Variants in FAT3 observed in about 807,000 individuals in gnomAD.
FAT3 encodes FAT atypical cadherin 3, also known as protocadherin Fat 3.
In FAT3, 95 loss-of-function variants were observed where a neutral mutation model predicts 310.2. The ratio of observed to expected loss-of-function variants is 0.31; its 90% CI spans 0.26 to 0.36. The LOEUF (loss-of-function observed/expected upper bound fraction) is 0.36. Ranked by LOEUF, FAT3 falls within the 10% of genes least tolerant of loss-of-function variation. FAT3 has a pLI of 1.00. For missense variants in FAT3, 5,408 were observed against 5,715.6 expected (o/e 0.95, Z 1.74); for synonymous variants, 2,314 against 2,192.9 (o/e 1.06, Z -1.54).
chr11:92,378,975 A>G (rs1420991841), intron 2 of FAT3, among the ~76,000 whole-genome samples: 1 of 152,128 alleles, frequency 6.6e-6, no homozygotes, highest in Non-Finnish European at 1.5e-5. Flanking sequence ...TCCTAATATT[A>G]TCACCTTGGG....
chr11:92,234,595 T>G (rs1864332678), intron 1 of FAT3, among the ~76,000 whole-genome samples: 1 of 151,894 alleles, frequency 6.6e-6, no homozygotes. Flanking sequence ...ATAGTGAAAC[T>G]CCGTCTCTAC....
chr11:92,337,425 T>G (rs892822146), intron 1 of FAT3, among the ~76,000 whole-genome samples: 8 of 152,154 alleles, frequency 5.3e-5, no homozygotes, highest in Admixed American at 4.6e-4. Context: ...AAAACAGTTT[T>G]TTTGTTTGTT....
chr11:92,495,525 TGTG>T (rs534984452), intron 2 of FAT3, among the ~76,000 whole-genome samples: 312 of 152,166 alleles, frequency 2.1e-3, no homozygotes, highest in African/African-American at 7.1e-3. Context: ...AGTTTGCTGG[TGTG>T]GAGGAGAGAA....
At chr11:92,880,604 C>T (rs140612181) in intron 22 of FAT3, 127 bp from the exon 23 acceptor site, 531 of 1,072,536 alleles carry the variant, frequency 5.0e-4, no homozygotes, top group Admixed American at 8.6e-4. Context: ...TTGCTAACCA[C>T]CTTTGGAATT....
At chr11:92,537,077 C>G (rs1954282421) in intron 3 of FAT3, among the ~76,000 whole-genome samples, 1 of 152,158 alleles carries the variant, frequency 6.6e-6, no homozygotes, top group Non-Finnish European at 1.5e-5. Flanking sequence ...ATTTCCTACT[C>G]CCACGTAGAC....
At chr11:92,586,282 C>T (rs990279761) in intron 3 of FAT3, among the ~76,000 whole-genome samples, 2 of 151,874 alleles carry the variant, frequency 1.3e-5, no homozygotes, top group African/African-American at 4.8e-5. Context: ...GTGAGAAGTC[C>T]TGGGAGGAGT....
At chr11:92,791,477 C>T (rs1186143664) in intron 8 of FAT3, among the ~76,000 whole-genome samples, 6 of 152,338 alleles carry the variant, frequency 3.9e-5, no homozygotes, top group Middle Eastern at 3.4e-3. Context: ...TAACTCCATT[C>T]TCATGATTCT....
At chr11:92,666,929 C>T (rs570482475) in intron 3 of FAT3, among the ~76,000 whole-genome samples, 3 of 152,258 alleles carry the variant, frequency 2.0e-5, no homozygotes, top group Admixed American at 2.0e-4. Flanking sequence ...TGTGCCTATG[C>T]TGCAAGGCAT....
chr11:92,889,629 A>G (rs1949870566), intron 26 of FAT3, among the ~76,000 whole-genome samples: 1 of 152,214 alleles, frequency 6.6e-6, no homozygotes, highest in Non-Finnish European at 1.5e-5. Flanking sequence ...CGTAACTTTT[A>G]TTAGTAACTT....
rs77010194 is a variant in FAT3 at position 92,845,427 on chromosome 11, G to A, written c.11365+695G>A. ...CTGTTGCCAAGGGTAAGGGCAGTTC[G>A]ATTTGCTTCAGTGAGAAACAGAGGC... On this transcript the variant is annotated intron_variant, in intron 19 of 27. Transcript: ENST00000525166. Among the ~76,000 whole-genome samples the A allele has an allele frequency of 6.8e-3, 1,030 of 152,288 alleles. 13 individuals carry two copies. The highest frequency in any genetic ancestry group is 0.024 in the African/African-American group (985 of 41,564).
intron 1 of FAT3, among the ~76,000 whole-genome samples, chr11:92,338,208 A>C (rs1392088844): frequency 1.3e-5 from 2 of 152,216 alleles, no homozygotes; most frequent in Non-Finnish European, 2.9e-5. Context: ...TTCACAGTTT[A>C]CATATGCTGT....
At chr11:92,507,058 T>C (rs1953123784) in intron 2 of FAT3, among the ~76,000 whole-genome samples, 1 of 152,228 alleles carries the variant, frequency 6.6e-6, no homozygotes, top group Non-Finnish European at 1.5e-5. Context: ...AGAATTCTTC[T>C]GTTTTCTTGT....
At chr11:92,395,437 A>G (rs559286265) in intron 2 of FAT3, among the ~76,000 whole-genome samples, 15 of 152,312 alleles carry the variant, frequency 9.8e-5, no homozygotes, top group African/African-American at 3.4e-4. Context: ...CAGGTCTTTC[A>G]TACCAGCCTC....
chr11:92,734,177 G>C (rs1014674537), intron 4 of FAT3, among the ~76,000 whole-genome samples: 1 of 152,196 alleles, frequency 6.6e-6, no homozygotes, highest in Non-Finnish European at 1.5e-5. Flanking sequence ...CAAACCCTGA[G>C]TATGGAGGTC....
intron 3 of FAT3, among the ~76,000 whole-genome samples, chr11:92,654,335 A>C (rs1436475684): frequency 3.9e-5 from 6 of 152,150 alleles, no homozygotes. Context: ...CCTCTTGCCT[A>C]TATGTCCAAT....
intron 1 of FAT3, among the ~76,000 whole-genome samples, chr11:92,302,783 G>T (rs1193064834): frequency 6.6e-6 from 1 of 151,880 alleles, no homozygotes; most frequent in Non-Finnish European, 1.5e-5. Flanking sequence ...TAATTTTCTG[G>T]TAGTGTTATG....
chr11:92,683,155 T>C (rs1943536800), intron 3 of FAT3, among the ~76,000 whole-genome samples: 1 of 152,070 alleles, frequency 6.6e-6, no homozygotes, highest in African/African-American at 2.4e-5. Flanking sequence ...ACTTGCTTTC[T>C]AATGTGGTCT....
chr11:92,738,554 C>T (rs369884979), intron 4 of FAT3, among the ~76,000 whole-genome samples: 1 of 152,150 alleles, frequency 6.6e-6, no homozygotes, highest in African/African-American at 2.4e-5. Context: ...CATTGCAGGT[C>T]CTCAAGGAGT....
intron 13 of FAT3, among the ~76,000 whole-genome samples, chr11:92,827,955 G>T (rs2136248800): frequency 6.6e-6 from 1 of 152,272 alleles, no homozygotes; most frequent in African/African-American, 2.4e-5. Context: ...AGCATTTAAA[G>T]AAGCTAAGTA....
Sources: gnomAD v4.1 joint callset for allele counts (sites outside exome capture counted in the v4.1 genomes callset) on GRCh38, gnomAD v4.1.1 for gene constraint, MANE v1.5 for transcripts, NCBI Gene and HGNC (gene_info 2026-07-23, HGNC 2026-07-21) for gene names.